The following SORT1 variants were observed in gnomAD, a reference collection of about 807,000 sequenced individuals.
The protein encoded by SORT1 is sortilin 1, also known as sortilin.
SORT1 carries 39 observed loss-of-function variants against 101.7 expected under a neutral mutation model. The ratio of observed to expected loss-of-function variants is 0.38; its 90% confidence interval spans 0.30 to 0.50. The LOEUF is 0.50. Ranked by LOEUF, SORT1 falls within the 20% of genes least tolerant of loss-of-function variation. The probability of loss-of-function intolerance (pLI) is 0.90; values close to 1 mark genes in which losing one functional copy is unlikely to be tolerated. For missense variants in SORT1, 878 were observed against 1,040.4 expected, an observed-to-expected ratio of 0.84 and a Z score of 2.15; for synonymous variants, 396 against 393.7, an observed-to-expected ratio of 1.01 and a Z score of -0.07.
At chr1:109,316,678 G>A (rs1022145881) in intron 17 of SORT1, among the ~76,000 whole-genome samples, 172 bp downstream of exon 17, 2 of 152,178 alleles carry the variant, frequency 1.3e-5, no homozygotes, top group Non-Finnish European at 2.9e-5. Context: ...GCTTATCACT[G>A]GGTTACATGA....
chr1:109,328,089 G>A (rs1422511376), intron 11 of SORT1, among the ~76,000 whole-genome samples: 1 of 152,094 alleles, frequency 6.6e-6, no homozygotes, highest in African/African-American at 2.4e-5. Flanking sequence ...ATTTAAGTGT[G>A]TGTGTGTATC....
At position 109,340,755 on chromosome 1, in the gene SORT1, G is replaced by T; in HGVS notation, c.1233C>A (p.Arg411=). 6.2e-7 allele frequency: 1 copy of T among 1,614,098 alleles called. No individual in the cohort carries two copies. Among genetic ancestry groups the T allele is most frequent in the Non-Finnish European group, 8.5e-7 (1 of 1,180,028 alleles). ...ETDFTNVTSL[R]GVYITSVLSE... is the part of the protein sequence containing the mutation. ...AGAGCACGCTTGTTATGTAGACGCC[G>T]CGGAGGGAGGTCACGTTGGTAAAGT... Residue 411 remains arginine, a synonymous_variant, in exon 10 of 20, where the codon CGC becomes CGA. Coordinates refer to ENST00000256637, the MANE Select transcript of SORT1 (RefSeq NM_002959.7).
At chr1:109,362,592 T>C (rs1221822826) in intron 3 of SORT1, among the ~76,000 whole-genome samples, 1 of 152,132 alleles carries the variant, frequency 6.6e-6, no homozygotes. Context: ...AAAGGATACA[T>C]GTTTTCTGTA....
chr1:109,375,054 A>C (rs1008637803), intron 1 of SORT1, among the ~76,000 whole-genome samples: 1 of 152,258 alleles, frequency 6.6e-6, no homozygotes, highest in African/African-American at 2.4e-5. Context: ...ATACCAACAG[A>C]AACTATCCAA....
At chr1:109,366,359 G>A (rs1182170807) in intron 3 of SORT1, among the ~76,000 whole-genome samples, 1 of 152,140 alleles carries the variant, frequency 6.6e-6, no homozygotes, top group African/African-American at 2.4e-5. Flanking sequence ...TCAAAATGCT[G>A]TATAAATATT....
chr1:109,345,819 T>C lies in SORT1; in HGVS notation c.895A>G (p.Ile299Val), dbSNP rs1649546139. Residue 299 changes from isoleucine (I) to valine (V), a missense_variant, in exon 8 of 20, where the codon ATT becomes GTT. By Grantham distance (29) the Ile-to-Val change is conservative. This residue lies in a region of SORT1 where 684 missense variants were observed against 894.5 expected (regional missense o/e 0.76). Transcript: ENST00000256637. ...TSDLGKSFKT[I>V]GVKIYSFGLG... ...CCAAATGAGTAGATTTTCACACCAA[T>C]AGTTTTGAAGCTTTTTCCCAAGTCT... The C allele has an allele frequency of 6.2e-7, 1 of 1,613,672 alleles. No homozygotes were observed.
At chr1:109,330,343 GA>G (rs1352750270) in intron 11 of SORT1, among the ~76,000 whole-genome samples, 2 of 152,068 alleles carry the variant, frequency 1.3e-5, no homozygotes, top group African/African-American at 4.8e-5. Context: ...GTAAAGGGAG[GA>G]AAATTGGAAA....
intron 11 of SORT1, among the ~76,000 whole-genome samples, chr1:109,332,954 A>G (rs1648559935): frequency 6.6e-6 from 1 of 152,060 alleles, no homozygotes. Context: ...TTTGAGATGG[A>G]GTCTTGCTCT....
At chr1:109,386,385 A>T (rs954432366) in intron 1 of SORT1, among the ~76,000 whole-genome samples, 1 of 152,214 alleles carries the variant, frequency 6.6e-6, no homozygotes, top group Non-Finnish European at 1.5e-5. Flanking sequence ...TATAGAAGAG[A>T]ACAGGAAAAA....
At chr1:109,327,206 C>T (rs1648137979) in intron 12 of SORT1, 46 bp from the exon 13 acceptor site, 2 of 1,429,618 alleles carry the variant, frequency 1.4e-6, no homozygotes, top group Non-Finnish European at 2.0e-6. Flanking sequence ...GGCAATGAAA[C>T]AGAGAGCATT....
Position 109,397,605 on chromosome 1 carries a change from C to T in SORT1, c.288G>A (p.Leu96=), listed in dbSNP as rs1653271670. Residue 96 remains leucine, a synonymous_variant, in exon 1 of 20, where the codon CTG becomes CTA. Transcript: ENST00000256637. ...CGCTCACCTGGTGCGTGTTGTTGGCCAGCTTGGCGACGAAGTCCCGGACCC... is the reference window on the plus strand; with the variant it reads ...CGCTCACCTGGTGCGTGTTGTTGGCTAGCTTGGCGACGAAGTCCCGGACCC... ...CGRVRDFVAK[L]ANNTHQHVFD... 1.6e-6 allele frequency: 2 copies of T among 1,279,280 alleles called. No individual in the cohort carries two copies. Among genetic ancestry groups the T allele is most frequent in the Non-Finnish European group, 2.0e-6 (2 of 999,842 alleles). 79.2% of individuals were successfully genotyped at this position (1,279,280 alleles called of 1,614,324 possible). A position where few individuals can be genotyped will look rare whatever the true frequency, so the allele number is the denominator to read the frequency against.
At chr1:109,326,379 T>G (rs1211765786) in intron 13 of SORT1, among the ~76,000 whole-genome samples, 4 of 144,110 alleles carry the variant, frequency 2.8e-5, no homozygotes, top group African/African-American at 1.0e-4. Context: ...GAAGTCATTT[T>G]CAATCTAGAG....
In SORT1 at chr1:109,327,012, G is replaced by C. The variant is rs367587115; in HGVS notation, c.1623C>G (p.Ser541Arg). ...GGIIVAIEHS[S>R]RPINVIKFST... ...CATACTTAATCACATTGATAGGACG[G>C]CTGCTGTGCTCAATGGCCACAATGA... Residue 541 changes from serine to arginine, a missense_variant, in exon 13 of 20, where the codon AGC becomes AGG. Transcript: ENST00000256637. The C allele has an allele frequency of 6.2e-7, 1 of 1,611,844 alleles. No individual in the cohort carries two copies. Among genetic ancestry groups the C allele is most frequent in the African/African-American group, 1.3e-5 (1 of 74,838 alleles).
chr1:109,349,858 T>C (rs1044812050), intron 6 of SORT1, among the ~76,000 whole-genome samples: 3 of 152,230 alleles, frequency 2.0e-5, no homozygotes, highest in African/African-American at 7.2e-5. Flanking sequence ...ATATTTCAAA[T>C]CTGTATTCTA....
intron 6 of SORT1, among the ~76,000 whole-genome samples, chr1:109,349,243 G>A (rs1482240640): frequency 2.6e-5 from 4 of 152,110 alleles, no homozygotes; most frequent in Non-Finnish European, 4.4e-5. Context: ...TACTCAGGAG[G>A]CTGAGGCAGG....
At chr1:109,383,056 A>C (rs1407142922) in intron 1 of SORT1, among the ~76,000 whole-genome samples, 1 of 152,254 alleles carries the variant, frequency 6.6e-6, no homozygotes, top group Non-Finnish European at 1.5e-5. Flanking sequence ...TGGAAAATTT[A>C]AAGTTGGTCC....
chr1:109,324,135 CT>C (rs35914471), intron 14 of SORT1, among the ~76,000 whole-genome samples: 105,407 of 150,784 alleles, frequency 0.7, 37,321 homozygotes, highest in East Asian at 0.96. Flanking sequence ...TATCCCCCTT[CT>C]TTTTTTTTTG....
chr1:109,382,498 T>C (rs1341813929), intron 1 of SORT1, among the ~76,000 whole-genome samples: 12 of 152,170 alleles, frequency 7.9e-5, no homozygotes, highest in Non-Finnish European at 1.8e-4. Context: ...GGTTACAGGA[T>C]AGGTCAAAGA....
chr1:109,326,232 T>G (rs917099711), intron 13 of SORT1, among the ~76,000 whole-genome samples: 2 of 147,704 alleles, frequency 1.4e-5, no homozygotes, highest in African/African-American at 4.9e-5. Flanking sequence ...TTTTTTTTTT[T>G]TGTGGAGACA....
Sources: allele counts gnomAD v4.1 joint callset (sites outside exome capture counted in the v4.1 genomes callset), GRCh38; gene constraint gnomAD v4.1.1; regional missense constraint gnomAD v4.1.1; transcripts MANE v1.5; gene names NCBI Gene and HGNC (gene_info 2026-07-23, HGNC 2026-07-21).